MSH6: variants seen among roughly 807,000 people sequenced by gnomAD.
MSH6 encodes DNA mismatch repair protein Msh6.
MSH6 carries 85 observed loss-of-function variants against 119.1 expected under a neutral mutation model. The ratio of observed to expected loss-of-function variants is 0.71; its 90% CI spans 0.60 to 0.85. The LOEUF (loss-of-function observed/expected upper bound fraction) is 0.85, where lower values mean the gene tolerates loss of function less well. Among genes scored for constraint, MSH6 ranks in the 40% least tolerant of loss-of-function variants. MSH6 has a pLI of 0.00. For missense variants in MSH6, 2,163 were observed against 1,655.3 expected (o/e 1.31, Z -5.32); for synonymous variants, 830 against 586.9 (o/e 1.41, Z -5.99).
Position 47,795,746 on chromosome 2 carries a change from C to T in MSH6, c.458-148C>T, listed in dbSNP as rs935504040. The T allele has an allele frequency of 1.8e-4, 123 of 702,810 alleles. 1 individual carries two copies. The highest frequency in any genetic ancestry group is 1.6e-3 in the African/African-American group (88 of 56,114). The allele number at this position is 702,810 out of a possible 1,614,324, so 43.5% of individuals were successfully genotyped here. A position where few individuals can be genotyped will look rare whatever the true frequency, so the allele number is the denominator to read the frequency against. The stretch of plus-strand genomic sequence containing the variant: ...TAAGCCTCCCAAAATGCTGGGATTA[C>T]AGGCGTGAGCCACCACACCTGGCAT... On this transcript the variant is annotated intron_variant, in intron 2 of 9. Transcript: ENST00000234420.
At chr2:47,790,779 C>G (rs375269648) in intron 1 of MSH6, 148 bp from the exon 2 acceptor site, 89 of 723,802 alleles carry the variant, frequency 1.2e-4, no homozygotes, top group Middle Eastern at 1.2e-3. Context: ...TTTTAAATGA[C>G]TTGAATATCT....
At chr2:47,789,546 C>G (rs2104068688) in intron 1 of MSH6, 1 of 384,262 alleles carries the variant, frequency 2.6e-6, no homozygotes, top group South Asian at 2.0e-5. Context: ...TCATTTAAAA[C>G]AATTTATACT....
chr2:47,806,848 T>G lies in MSH6; in HGVS notation c.4071T>G (p.Ile1357Met), dbSNP rs1553334107. Residue 1357 changes from isoleucine (I) to methionine (M), a missense_variant, in exon 10 of 10, where the codon ATT (isoleucine) becomes ATG (methionine). By Grantham distance (10) the Ile-to-Met change is conservative. Coordinates refer to ENST00000234420, the MANE Select transcript of MSH6 (RefSeq NM_000179.3). The stretch of plus-strand genomic sequence containing the variant: ...CTGTCCATAAATTGCTGACTTTGAT[T>G]AAGGAATTATAGACTGACTACATTG... ...AEAVHKLLTL[I>M]KEL The G allele has an allele frequency of 6.2e-7, 1 of 1,611,254 alleles. No homozygotes were observed. Among genetic ancestry groups the G allele is most frequent in the Non-Finnish European group, 8.5e-7 (1 of 1,177,978 alleles).
At chr2:47,786,729 T>C (rs928313193) in intron 1 of MSH6, among the ~76,000 whole-genome samples, 2 of 152,116 alleles carry the variant, frequency 1.3e-5, no homozygotes, top group East Asian at 1.9e-4. Context: ...CTTTTTTTTT[T>C]CCTAGTTCTT....
rs1287888740 is a variant in MSH6, at chr2:47,783,718, G to C, written c.260+225G>C. 6.0e-6 allele frequency: 3 copies of C among 502,284 alleles called. No individual in the cohort carries two copies. In the African/African-American group the frequency reaches 6.0e-5, roughly 10 times the overall value. The allele number at this position is 502,284 out of a possible 1,614,324, so 31.1% of individuals were successfully genotyped here. On this transcript the variant is annotated intron_variant, in intron 1 of 9. Transcript: ENST00000234420. ...GGAGGAGAGAGGCTGTGCAGGAAGAGGGCTGCAGGGGAGACGCGGAGAGTT... is the reference window on the plus strand; with the variant it reads ...GGAGGAGAGAGGCTGTGCAGGAAGACGGCTGCAGGGGAGACGCGGAGAGTT...
chr2:47,802,423 T>G (rs1420157496), intron 4 of MSH6, among the ~76,000 whole-genome samples: 1 of 152,134 alleles, frequency 6.6e-6, no homozygotes, highest in African/African-American at 2.4e-5. Flanking sequence ...CTCAAACTGC[T>G]GGGTTCAAGT....
chr2:47,799,255 C>G lies in MSH6; in HGVS notation c.1272C>G (p.Val424=), dbSNP rs63751452. ...WQIKSQNFDL[V]ICYKVGKFYE... ...TTAAGTCTCAGAACTTTGATCTTGTCATCTGTTACAAGGTGGGGAAATTTT... is the reference window on the plus strand; with the variant it reads ...TTAAGTCTCAGAACTTTGATCTTGTGATCTGTTACAAGGTGGGGAAATTTT... Residue 424 remains valine, a synonymous_variant, in exon 4 of 10, where the codon GTC becomes GTG. Transcript: ENST00000234420. 3 of 1,613,936 alleles carry G rather than the reference C, an allele frequency of 1.9e-6. No homozygotes were observed. The highest frequency in any genetic ancestry group is 2.5e-6 in the Non-Finnish European group (3 of 1,180,018).
At chr2:47,809,838 A>C, downstream of MSH6, 1 of 595,572 alleles carries the variant, frequency 1.7e-6, no homozygotes, top group East Asian at 2.9e-5. Flanking sequence ...ACTGAATAAA[A>C]TGTAGATACC....
Position 47,800,616 on chromosome 2 carries a change from T to G in MSH6, c.2633T>G (p.Val878Gly), listed in dbSNP as rs2020912. 6 of 1,614,190 alleles carry G rather than the reference T, an allele frequency of 3.7e-6. No homozygotes were observed. Among genetic ancestry groups the G allele is most frequent in the Non-Finnish European group, 5.1e-6 (6 of 1,180,030 alleles). ...AAAATTATAGGGATCATGGAAGAAG[T>G]TGCTGATGGTTTTAAGTCTAAAATC... is the stretch of plus-strand genomic sequence containing the variant. ...MCKIIGIMEE[V>G]ADGFKSKILK... Residue 878 changes from valine to glycine, a missense_variant, in exon 4 of 10, where the codon GTT (valine) becomes GGT (glycine). Transcript: ENST00000234420.
intron 4 of MSH6, 56 bp from the exon 5 acceptor site, chr2:47,803,362 CTT>C: frequency 6.2e-7 from 1 of 1,610,796 alleles, no homozygotes; most frequent in African/African-American, 1.3e-5. Flanking sequence ...CTATAAAACA[CTT>C]AGGCTGATAA....
chr2:47,801,283 A>ATG, intron 4 of MSH6, 128 bp downstream of exon 4: 1 of 975,566 alleles, frequency 1.0e-6, no homozygotes, highest in Non-Finnish European at 1.5e-6. Flanking sequence ...ACATATTTGC[A>ATG]TCCTGACTAG....
intron 5 of MSH6, among the ~76,000 whole-genome samples, chr2:47,803,888 G>T (rs1318298608): frequency 2.6e-5 from 4 of 152,178 alleles, no homozygotes; most frequent in Admixed American, 2.6e-4. Context: ...GGGAATATAT[G>T]TTAAAAAGGG....
At position 47,806,798 on chromosome 2, in the gene MSH6, G is replaced by A; in HGVS notation, c.4021G>A (p.Glu1341Lys). ...TTTAAGGGAAGTTTGCCTGGCTAGT[G>A]AAAGGTCAACTGTAGATGCTGAAGC... Reference protein sequence around the residue: ...RLFREVCLASERSTVDAEAVH... With the variant: ...RLFREVCLASKRSTVDAEAVH... Residue 1341 changes from glutamate to lysine, a missense_variant, in exon 10 of 10, where the codon GAA becomes AAA. Physicochemically the swap from Glu to Lys is moderately conservative, Grantham distance 56 (BLOSUM62 1). Coordinates refer to ENST00000234420, the MANE Select transcript of MSH6 (RefSeq NM_000179.3). 1 of 1,593,958 alleles carries A rather than the reference G, an allele frequency of 6.3e-7. No individual in the cohort carries two copies.
chr2:47,806,487 C>G lies in MSH6; in HGVS notation c.3837C>G (p.Ser1279Arg), dbSNP rs876661245. 1.9e-6 allele frequency: 3 copies of G among 1,613,894 alleles called. No individual in the cohort carries two copies. The highest frequency in any genetic ancestry group is 2.5e-6 in the Non-Finnish European group (3 of 1,179,990). The change falls in exon 9 of 10, where the codon AGC becomes AGG. Residue 1279 changes from serine (S) to arginine (R), a missense_variant. Physicochemically the swap from Ser to Arg is moderately radical, Grantham distance 110. Transcript: ENST00000234420. ...CMVENECEDP[S>R]QETITFLYKF... Reference sequence around the variant, plus strand: ...TAGAAAATGAATGTGAAGACCCCAGCCAGGAGACTATTACGTTCCTCTATA... The same window carrying G: ...TAGAAAATGAATGTGAAGACCCCAGGCAGGAGACTATTACGTTCCTCTATA...
downstream of MSH6, chr2:47,807,975 C>T: frequency 1.4e-6 from 1 of 736,372 alleles, no homozygotes. Context: ...GTAGCTTGAG[C>T]TTCATAGTGT....
At position 47,783,296 on chromosome 2, in the gene MSH6, C is replaced by T. The variant is rs876660097; in HGVS notation, c.63C>T (p.Asn21=). Residue 21 remains asparagine (N), a synonymous_variant, in exon 1 of 10, where the codon AAC becomes AAT. Coordinates refer to ENST00000234420, the MANE Select transcript of MSH6 (RefSeq NM_000179.3). ...FPKSPALSDA[N]KASARASREG... The stretch of plus-strand genomic sequence containing the variant: ...AGTCTCCGGCGCTGAGTGATGCCAA[C>T]AAGGCCTCGGCCAGGGCCTCACGCG... The T allele has an allele frequency of 6.2e-7, 1 of 1,612,188 alleles. No individual in the cohort carries two copies. The highest frequency in any genetic ancestry group is 8.5e-7 in the Non-Finnish European group (1 of 1,179,582).
At chr2:47,808,462 C>A, downstream of MSH6, 2 of 1,528,170 alleles carry the variant, frequency 1.3e-6, no homozygotes, top group South Asian at 1.3e-5. Flanking sequence ...TTTTCTCAAA[C>A]ATGTCATTAA....
chr2:47,804,332 T>A (rs538970604), intron 5 of MSH6, among the ~76,000 whole-genome samples: 1 of 152,142 alleles, frequency 6.6e-6, no homozygotes. Context: ...TAACCAGGGG[T>A]TGACCAGCCA....
At position 47,799,591 on chromosome 2, in the gene MSH6, T is replaced by G; in HGVS notation, c.1608T>G (p.Ser536Arg). The G allele has an allele frequency of 6.2e-7, 1 of 1,614,184 alleles. No homozygotes were observed. Among genetic ancestry groups the G allele is most frequent in the Non-Finnish European group, 8.5e-7 (1 of 1,180,026 alleles). ...AAGGTGATCCCTCTGAGAACTACAG[T>G]AAGTATCTTCTTAGCCTCAAAGAAA... Reference protein sequence around the residue: ...VLEGDPSENYSKYLLSLKEKE... With the variant: ...VLEGDPSENYRKYLLSLKEKE... The change falls in exon 4 of 10, where the codon AGT (serine) becomes AGG (arginine). Residue 536 changes from serine to arginine, a missense_variant. Ser to Arg is a moderately radical substitution (Grantham distance 110). Transcript: ENST00000234420.
Sources: allele counts gnomAD v4.1 joint callset (sites outside exome capture counted in the v4.1 genomes callset), GRCh38; gene constraint gnomAD v4.1.1; transcripts MANE v1.5; gene names NCBI Gene and HGNC (gene_info 2026-07-23, HGNC 2026-07-21).